The following RALY variants were observed in gnomAD, a reference collection of about 807,000 sequenced individuals.
The protein encoded by RALY is RNA-binding protein Raly.
RALY carries 15 observed loss-of-function variants against 30.7 expected under a neutral mutation model. The ratio of observed to expected loss-of-function variants is 0.49; its 90% CI spans 0.33 to 0.75. RALY has a LOEUF of 0.75. Among genes scored for constraint, RALY ranks in the 30% least tolerant of loss-of-function variants. The pLI is 0.02. For synonymous variants in RALY, 177 were observed against 170.8 expected (o/e 1.04, Z -0.28); for missense variants, 339 against 414.3 (o/e 0.82, Z 1.58).
intron 2 of RALY, among the ~76,000 whole-genome samples, chr20:34,035,985 G>A (rs1459569499): frequency 1.3e-5 from 2 of 152,190 alleles, no homozygotes; most frequent in Admixed American, 6.5e-5. Context: ...AAGGAGGCCA[G>A]TGTGGCTACA....
At chr20:34,027,992 AAC>A (rs747117858) in intron 1 of RALY, among the ~76,000 whole-genome samples, 2 of 152,216 alleles carry the variant, frequency 1.3e-5, no homozygotes, top group Non-Finnish European at 2.9e-5. Flanking sequence ...GAGGAATAGA[AAC>A]AGAAATCTTA....
intron 1 of RALY, among the ~76,000 whole-genome samples, chr20:34,002,600 T>G (rs540901756): frequency 1.3e-5 from 2 of 152,346 alleles, no homozygotes; most frequent in East Asian, 3.9e-4. Context: ...ATAATCTGAC[T>G]TCCAGTGTGT....
Position 34,077,252 on chromosome 20 carries a change from G to A in RALY, c.876+7G>A. 9 of 1,613,648 alleles carry A rather than the reference G, an allele frequency of 5.6e-6. No individual in the cohort carries two copies. The highest frequency in any genetic ancestry group is 7.6e-6 in the Non-Finnish European group (9 of 1,179,776). Reference sequence around the variant, plus strand: ...ACACAGCGAGGAAGAGCTGGTGAGGGCCTGGCCAGGGGCACGACTGGGACT... The same window carrying A: ...ACACAGCGAGGAAGAGCTGGTGAGGACCTGGCCAGGGGCACGACTGGGACT... On this transcript the variant is annotated splice_region_variant and intron_variant, in intron 8 of 9. Coordinates refer to ENST00000246194, the MANE Select transcript of RALY (RefSeq NM_016732.3).
intron 1 of RALY, among the ~76,000 whole-genome samples, chr20:34,016,011 G>T (rs1335627539): frequency 6.6e-6 from 1 of 151,954 alleles, no homozygotes; most frequent in Non-Finnish European, 1.5e-5. Context: ...ACCCAGAATT[G>T]TGTGTGCTAC....
intron 2 of RALY, among the ~76,000 whole-genome samples, chr20:34,052,827 C>T (rs936519778): frequency 2.6e-4 from 39 of 152,064 alleles, no homozygotes; most frequent in African/African-American, 9.2e-4. Context: ...GCTCTGACAC[C>T]AGTAATATAA....
At position 34,081,927 on chromosome 20, in the gene RALY, G is replaced by A. The variant is rs572153380; in HGVS notation, c.*2022G>A. On this transcript the variant is annotated 3_prime_UTR_variant, in exon 10 of 10. Transcript: ENST00000246194. ...GCTTGCCATGGACCCTGGGCAGCAG[G>A]GAGAGAGTAGAGATTTGTCAAGAGC... 6.6e-6 allele frequency: 1 copy of A among 152,496 alleles called. No individual in the cohort carries two copies. The highest frequency in any genetic ancestry group is 2.1e-4 in the South Asian group (1 of 4,822). 9.4% of individuals were successfully genotyped at this position (152,496 alleles called of 1,614,324 possible). A position where few individuals can be genotyped will look rare whatever the true frequency, so the allele number is the denominator to read the frequency against.
intron 2 of RALY, among the ~76,000 whole-genome samples, chr20:34,050,843 C>T (rs1203894646): frequency 6.6e-6 from 1 of 152,178 alleles, no homozygotes; most frequent in Non-Finnish European, 1.5e-5. Context: ...AGATAACTCC[C>T]AGCTCACAGG....
intron 1 of RALY, among the ~76,000 whole-genome samples, chr20:33,998,449 C>T (rs1455511959): frequency 1.3e-5 from 2 of 152,110 alleles, no homozygotes; most frequent in Non-Finnish European, 2.9e-5. Flanking sequence ...TAAGACCATC[C>T]CGAAAGTACG....
At position 34,077,218 on chromosome 20, in the gene RALY, G is replaced by T. The variant is rs761637628; in HGVS notation, c.849G>T (p.Gly283=). The T allele has an allele frequency of 3.1e-6, 5 of 1,613,720 alleles. No homozygotes were observed. Among genetic ancestry groups the T allele is most frequent in the Non-Finnish European group, 4.2e-6 (5 of 1,179,902 alleles). Residue 283 remains glycine (G), a synonymous_variant, in exon 8 of 10, where the codon GGG becomes GGT. Transcript: ENST00000246194. The part of the protein sequence containing the change: ...ARTRDDGDEE[G]LLTHSEEELE... ...CCCGAGACGACGGCGATGAGGAAGG[G>T]CTCCTGACACACAGCGAGGAAGAGC... is the stretch of plus-strand genomic sequence containing the variant.
intron 1 of RALY, among the ~76,000 whole-genome samples, chr20:34,009,479 G>A (rs1247253887): frequency 6.6e-6 from 1 of 151,964 alleles, no homozygotes; most frequent in Non-Finnish European, 1.5e-5. Flanking sequence ...CTTGTGATCT[G>A]CCCGCTTCAG....
At chr20:34,027,474 C>G (rs1006833207) in intron 1 of RALY, among the ~76,000 whole-genome samples, 30 of 152,198 alleles carry the variant, frequency 2.0e-4, no homozygotes, top group Non-Finnish European at 2.9e-5. Flanking sequence ...TAAATCTTTG[C>G]TTCTTCTGTG....
intron 2 of RALY, among the ~76,000 whole-genome samples, chr20:34,058,729 G>T (rs1018699033): frequency 2.0e-5 from 3 of 152,160 alleles, no homozygotes; most frequent in Non-Finnish European, 4.4e-5. Context: ...ACTAGTAAGT[G>T]CTGATCCTGG....
intron 1 of RALY, among the ~76,000 whole-genome samples, chr20:34,018,063 G>A (rs1376461775): frequency 1.3e-5 from 2 of 152,242 alleles, no homozygotes; most frequent in East Asian, 3.8e-4. Context: ...CTCCAGACCA[G>A]GGAACCAGCA....
intron 6 of RALY, chr20:34,076,343 G>T: frequency 2.0e-6 from 1 of 508,092 alleles, no homozygotes; most frequent in Non-Finnish European, 3.5e-6. Flanking sequence ...CATTCACTCT[G>T]GTACACACAT....
Position 34,022,187 on chromosome 20 carries a change from C to T in RALY, c.-92-9335C>T, listed in dbSNP as rs149144634. Among the ~76,000 whole-genome samples, 719 of 151,826 alleles carry T rather than the reference C, an allele frequency of 4.7e-3. 8 individuals carry two copies. Among genetic ancestry groups the T allele is most frequent in the African/African-American group, 0.017 (692 of 41,310 alleles). ...TCAGGTGGTCTCCTGTCTCGGCCTG[C>T]CAAACTGCTGGGTTTATAGATGGGA... On this transcript the variant is annotated intron_variant, in intron 1 of 9. Coordinates refer to ENST00000246194, the MANE Select transcript of RALY (RefSeq NM_016732.3).
intron 1 of RALY, among the ~76,000 whole-genome samples, chr20:34,006,375 A>G (rs2031157292): frequency 6.6e-6 from 1 of 152,220 alleles, no homozygotes; most frequent in Non-Finnish European, 1.5e-5. Context: ...TGCCATTACC[A>G]TCTTTATAAA....
At position 34,073,551 on chromosome 20, in the gene RALY, C is replaced by G; in HGVS notation, c.257-12C>G. Reference sequence around the variant, plus strand: ...TGTTAGCATTCCAACTCTGCCTTCTCCCTCCACACAGACATCAACATGGCT... The same window carrying G: ...TGTTAGCATTCCAACTCTGCCTTCTGCCTCCACACAGACATCAACATGGCT... On this transcript the variant is annotated splice_polypyrimidine_tract_variant and intron_variant, in intron 3 of 9. Coordinates refer to ENST00000246194, the MANE Select transcript of RALY (RefSeq NM_016732.3). 6.4e-7 allele frequency: 1 copy of G among 1,574,452 alleles called. No homozygotes were observed. Among genetic ancestry groups the G allele is most frequent in the Non-Finnish European group, 8.7e-7 (1 of 1,143,870 alleles).
chr20:34,027,794 A>G (rs890811368), intron 1 of RALY, among the ~76,000 whole-genome samples: 2 of 152,258 alleles, frequency 1.3e-5, no homozygotes, highest in Admixed American at 6.5e-5. Context: ...GAAGAACCAT[A>G]AAAGACCTGG....
intron 2 of RALY, among the ~76,000 whole-genome samples, chr20:34,037,331 A>T (rs1011736554): frequency 2.6e-5 from 4 of 152,202 alleles, no homozygotes; most frequent in Non-Finnish European, 5.9e-5. Context: ...GCAGGAAGTC[A>T]GGTGACACAT....
Sources: allele counts gnomAD v4.1 joint callset (sites outside exome capture counted in the v4.1 genomes callset), GRCh38; gene constraint gnomAD v4.1.1; transcripts MANE v1.5; gene names NCBI Gene and HGNC (gene_info 2026-07-23, HGNC 2026-07-21).